Variants in DNAH7 observed in about 807,000 individuals in gnomAD.
The protein encoded by DNAH7 is dynein axonemal heavy chain 7.
DNAH7 carries 397 observed loss-of-function variants against 444.6 expected under a neutral mutation model. The observed-to-expected ratio is 0.89, with a 90% CI of 0.82 to 0.97. The LOEUF is 0.97. Ranked by LOEUF, DNAH7 falls within the 50% of genes least tolerant of loss-of-function variation. The pLI, the probability that DNAH7 is intolerant of heterozygous loss-of-function variation, is 0.00. For synonymous variants in DNAH7, 1,636 were observed against 1,624.4 expected, an observed-to-expected ratio of 1.01 and a Z score of -0.17; for missense variants, 4,902 against 4,800.8, an observed-to-expected ratio of 1.02 and a Z score of -0.62.
chr2:195,742,360 G>A (rs897295208), intron 63 of DNAH7, among the ~76,000 whole-genome samples: 5 of 152,148 alleles, frequency 3.3e-5, no homozygotes, highest in Non-Finnish European at 5.9e-5. Context: ...TCACTGACTC[G>A]AAAACATTGC....
At chr2:196,048,160 G>A (rs969436279) in intron 4 of DNAH7, 136 bp downstream of exon 4, 19 of 611,706 alleles carry the variant, frequency 3.1e-5, no homozygotes, top group Non-Finnish European at 5.1e-5. Context: ...GAGGGAAGAT[G>A]TATTGGGAAA....
chr2:195,808,120 T>C (rs1412178692), intron 53 of DNAH7, among the ~76,000 whole-genome samples: 2 of 152,122 alleles, frequency 1.3e-5, no homozygotes, highest in Non-Finnish European at 2.9e-5. Context: ...TAACTGGGAA[T>C]TGGAAAAATA....
intron 12 of DNAH7, among the ~76,000 whole-genome samples, chr2:195,999,844 T>A (rs1008956637): frequency 6.6e-6 from 1 of 152,188 alleles, no homozygotes; most frequent in African/African-American, 2.4e-5. Flanking sequence ...TGCTTCCACT[T>A]ATACAAAGAC....
chr2:196,026,823 T>C lies in DNAH7; in HGVS notation c.604A>G (p.Ser202Gly), dbSNP rs768396975. Residue 202 changes from serine to glycine, a missense_variant, in exon 7 of 65, where the codon AGC becomes GGC. By Grantham distance (56) the Ser-to-Gly change is moderately conservative (BLOSUM62 0). Transcript: ENST00000312428. ...VPQHLKVFTD[S>G]IVTLSDEMRE... ...ATTTCATCAGATAATGTAACTATGC[T>C]GTCAGTGAAGACTTTCAGATGTTGT... The C allele has an allele frequency of 3.1e-6, 5 of 1,612,696 alleles. No individual in the cohort carries two copies. The African/African-American group carries it at 6.7e-5, about 22-fold the overall frequency.
At chr2:195,740,706 ATAAT>A (rs1185122685) in intron 64 of DNAH7, 56 bp downstream of exon 64, 35 of 587,862 alleles carry the variant, frequency 6.0e-5, no homozygotes, top group Non-Finnish European at 8.4e-5. Context: ...TATTTTATAT[ATAAT>A]ATATAAAATA....
intron 56 of DNAH7, among the ~76,000 whole-genome samples, chr2:195,795,310 G>A (rs1696082716): frequency 6.6e-6 from 1 of 152,092 alleles, no homozygotes; most frequent in Admixed American, 6.5e-5. Flanking sequence ...TGAACCCAGG[G>A]GGCGGAGGTT....
intron 63 of DNAH7, among the ~76,000 whole-genome samples, chr2:195,745,399 G>A (rs564292483): frequency 1.1e-4 from 16 of 152,316 alleles, no homozygotes; most frequent in East Asian, 1.9e-4. Flanking sequence ...TGAAAGTGAC[G>A]AGGAGAATGG....
chr2:195,926,596 A>G (rs1395632999), intron 21 of DNAH7, 30 bp from the exon 22 acceptor site: 9 of 1,549,812 alleles, frequency 5.8e-6, no homozygotes, highest in Non-Finnish European at 7.8e-6. Flanking sequence ...CTAAATATTA[A>G]CCATTTCCTG....
chr2:196,032,958 A>G (rs1696150721), intron 5 of DNAH7, among the ~76,000 whole-genome samples: 1 of 152,236 alleles, frequency 6.6e-6, no homozygotes, highest in Non-Finnish European at 1.5e-5. Context: ...ATATATAAAA[A>G]GCAACTAATG....
chr2:195,879,375 G>A (rs149316333), intron 36 of DNAH7, among the ~76,000 whole-genome samples: 226 of 152,194 alleles, frequency 1.5e-3, no homozygotes, highest in African/African-American at 5.2e-3. Context: ...TATTGCTTAC[G>A]TCATATATAG....
chr2:195,909,628 T>C (rs1659483476), intron 25 of DNAH7, among the ~76,000 whole-genome samples: 1 of 152,206 alleles, frequency 6.6e-6, no homozygotes, highest in African/African-American at 2.4e-5. Context: ...TTCACTGAAA[T>C]GACTGATTAG....
intron 61 of DNAH7, among the ~76,000 whole-genome samples, chr2:195,764,275 C>T (rs1694473315): frequency 6.6e-6 from 1 of 152,040 alleles, no homozygotes; most frequent in Non-Finnish European, 1.5e-5. Flanking sequence ...AGACCCACAG[C>T]TAGTATCATA....
chr2:195,890,470 AAATGT>A (rs1413101444), intron 31 of DNAH7, among the ~76,000 whole-genome samples: 3 of 152,342 alleles, frequency 2.0e-5, no homozygotes, highest in Middle Eastern at 3.4e-3. Flanking sequence ...GCTTCCTGAA[AAATGT>A]AATGTAAGTT....
intron 33 of DNAH7, among the ~76,000 whole-genome samples, chr2:195,887,248 C>A (rs763117783): frequency 6.6e-6 from 1 of 152,026 alleles, no homozygotes; most frequent in Non-Finnish European, 1.5e-5. Context: ...TATCTAAATT[C>A]TCTGACAATG....
At chr2:195,784,235 T>C (rs984468433) in intron 58 of DNAH7, among the ~76,000 whole-genome samples, 6 of 152,202 alleles carry the variant, frequency 3.9e-5, no homozygotes, top group African/African-American at 1.4e-4. Context: ...TAAATAAAAA[T>C]CATCTGTGTT....
intron 19 of DNAH7, among the ~76,000 whole-genome samples, 192 bp downstream of exon 19, chr2:195,957,069 C>G (rs1480507561): frequency 2.0e-5 from 3 of 152,180 alleles, no homozygotes; most frequent in East Asian, 1.9e-4. Flanking sequence ...AAGGAGTAAT[C>G]AGGACAAAAT....
At chr2:195,962,185 TCA>T (rs1021949692) in intron 17 of DNAH7, among the ~76,000 whole-genome samples, 1 of 152,188 alleles carries the variant, frequency 6.6e-6, no homozygotes, top group East Asian at 1.9e-4. Flanking sequence ...TTCAGTGGCC[TCA>T]GTTTTTAAAA....
At chr2:195,855,784 T>C (rs1699664934) in intron 45 of DNAH7, 27 bp downstream of exon 45, 1 of 1,604,894 alleles carries the variant, frequency 6.2e-7, no homozygotes, top group African/African-American at 1.3e-5. Flanking sequence ...TGAGAATTTG[T>C]CCATCTTTTT....
chr2:195,848,078 G>A (rs1225706804), intron 46 of DNAH7, among the ~76,000 whole-genome samples: 9 of 152,242 alleles, frequency 5.9e-5, no homozygotes, highest in Admixed American at 5.9e-4. Flanking sequence ...GATATGTATG[G>A]TGCTGGTACC....
Sources: gnomAD v4.1 joint callset for allele counts (sites outside exome capture counted in the v4.1 genomes callset) on GRCh38, gnomAD v4.1.1 for gene constraint, MANE v1.5 for transcripts, NCBI Gene and HGNC (gene_info 2026-07-23, HGNC 2026-07-21) for gene names.